Variants in CACNA1E observed in about 807,000 individuals in gnomAD.
The protein encoded by CACNA1E is voltage-dependent R-type calcium channel subunit alpha-1E.
CACNA1E carries 40 observed loss-of-function variants against 259.2 expected under a neutral mutation model. That is an observed-to-expected ratio of 0.15 (90% CI 0.12 to 0.20). The LOEUF is 0.20. CACNA1E is among the 10% of genes least tolerant of loss of function. CACNA1E has a pLI of 1.00. For missense variants in CACNA1E, 1,874 were observed against 3,040.1 expected (o/e 0.62, Z 9.02); for synonymous variants, 1,104 against 1,138.5 (o/e 0.97, Z 0.61).
chr1:181,719,418 C>G (rs1475651911), intron 12 of CACNA1E, among the ~76,000 whole-genome samples: 1 of 152,190 alleles, frequency 6.6e-6, no homozygotes, highest in African/African-American at 2.4e-5. Flanking sequence ...TATTGAGAAG[C>G]AACTTGTACT....
At position 181,802,714 on chromosome 1, in the gene CACNA1E, G is replaced by T. The variant is rs1388936068; in HGVS notation, c.*3880G>T. ...GGGTGGACAAAATGCCCACCTACTG[G>T]ATAAAAGCTCACTGCAGGAAAATGA... On this transcript the variant is annotated 3_prime_UTR_variant, in exon 48 of 48. Transcript: ENST00000367573. 6.6e-6 allele frequency: 1 copy of T among 152,144 alleles called. No homozygotes were observed. The highest frequency in any genetic ancestry group is 1.5e-5 in the Non-Finnish European group (1 of 68,030). 9.4% of individuals were successfully genotyped at this position (152,144 alleles called of 1,614,324 possible).
At chr1:181,421,367 G>T (rs1253640784) in intron 2 of CACNA1E, among the ~76,000 whole-genome samples, 6 of 152,144 alleles carry the variant, frequency 3.9e-5, no homozygotes, top group Non-Finnish European at 8.8e-5. Flanking sequence ...CTGGTGGGGG[G>T]TCCTCAAAAT....
chr1:181,502,612 A>G (rs1665350974), intron 1 of CACNA1E, among the ~76,000 whole-genome samples: 2 of 152,192 alleles, frequency 1.3e-5, no homozygotes, highest in Non-Finnish European at 2.9e-5. Flanking sequence ...CTTCTACTTT[A>G]TGCCATGATC....
At chr1:181,686,768 A>G (rs1304122583) in intron 7 of CACNA1E, among the ~76,000 whole-genome samples, 1 of 152,202 alleles carries the variant, frequency 6.6e-6, no homozygotes, top group Non-Finnish European at 1.5e-5. Flanking sequence ...CATGGTGTTC[A>G]GAGGCCAAGA....
At chr1:181,342,810 G>A (rs533031698) in intron 1 of CACNA1E, among the ~76,000 whole-genome samples, 56 of 152,298 alleles carry the variant, frequency 3.7e-4, no homozygotes, top group African/African-American at 1.3e-3. Context: ...TAGAACTGGT[G>A]ATGTTCTATT....
At position 181,796,790 on chromosome 1, in the gene CACNA1E, T is replaced by C. The variant is rs1399659751; in HGVS notation, c.6331T>C (p.Trp2111Arg). 6 of 1,611,910 alleles carry C rather than the reference T, an allele frequency of 3.7e-6. No homozygotes were observed. Among genetic ancestry groups the C allele is most frequent in the Non-Finnish European group, 5.1e-6 (6 of 1,179,122 alleles). ...AGAAGAGCGAGGGACCCAGGCTGACTGGGAGTCCCCAGAGCGCCGTCAATC... is the reference window on the plus strand; with the variant it reads ...AGAAGAGCGAGGGACCCAGGCTGACCGGGAGTCCCCAGAGCGCCGTCAATC... ...NSEERGTQAD[W>R]ESPERRQSRS... The change falls in exon 47 of 48, where the codon TGG (tryptophan) becomes CGG (arginine). Residue 2111 changes from tryptophan (W) to arginine (R), a missense_variant. This residue lies in a region of CACNA1E where 542 missense variants were observed against 587.2 expected (regional missense o/e 0.92). Transcript: ENST00000367573.
chr1:181,616,668 C>G (rs1406031215), intron 6 of CACNA1E, among the ~76,000 whole-genome samples: 1 of 151,876 alleles, frequency 6.6e-6, no homozygotes, highest in Non-Finnish European at 1.5e-5. Flanking sequence ...GAGCTGAGAT[C>G]GCACCACTGC....
Position 181,732,986 on chromosome 1 carries a change from G to A in CACNA1E, c.2900G>A (p.Gly967Asp). 6.2e-7 allele frequency: 1 copy of A among 1,612,946 alleles called. No homozygotes were observed. The highest frequency in any genetic ancestry group is 1.3e-5 in the African/African-American group (1 of 74,988). Residue 967 changes from glycine to aspartate, a missense_variant, in exon 20 of 48, where the codon GGT (glycine) becomes GAT (aspartate). Coordinates refer to ENST00000367573, the MANE Select transcript of CACNA1E (RefSeq NM_001205293.3). The surrounding 1 kb of genome is among the most constrained non-coding windows in gnomAD (Gnocchi z 5.5). ...GACCATGAGCTCAGGGGCAACCATG[G>A]TGCCAAGGAGCCAACGATCCAAGAA... Reference protein sequence around the residue: ...EKDHELRGNHGAKEPTIQEER... With the variant: ...EKDHELRGNHDAKEPTIQEER...
chr1:181,793,663 A>C lies in CACNA1E; in HGVS notation c.5899-2A>C. On this transcript the variant is annotated splice_acceptor_variant, in intron 44 of 47. Coordinates refer to ENST00000367573, the MANE Select transcript of CACNA1E (RefSeq NM_001205293.3). LOFTEE classifies it high-confidence loss of function. ...CAAGCTTGGCTGTGTGTTTATTTCC[A>C]GGAGCCAGAGGTTAGTGAATTAAAA... The C allele has an allele frequency of 1.2e-6, 2 of 1,608,198 alleles. No individual in the cohort carries two copies. The highest frequency in any genetic ancestry group is 1.7e-6 in the Non-Finnish European group (2 of 1,178,046).
chr1:181,794,216 G>A (rs898743728), intron 45 of CACNA1E, among the ~76,000 whole-genome samples: 4 of 152,122 alleles, frequency 2.6e-5, no homozygotes, highest in African/African-American at 9.7e-5. Flanking sequence ...CTGTTTTCCT[G>A]GCTTCTTTTT....
rs769781251 is a variant in CACNA1E at position 181,732,401 on chromosome 1, G to A, written c.2315G>A (p.Arg772Gln). Residue 772 changes from arginine (R) to glutamine (Q), a missense_variant, in exon 20 of 48, where the codon CGG (arginine) becomes CAG (glutamine). Arg to Gln is a conservative substitution (Grantham distance 43). Around this residue, in one of 14 missense-constraint regions of CACNA1E, gnomAD observed 476 missense variants for 514.0 expected, o/e 0.93. Transcript: ENST00000367573. The surrounding 1 kb of genome is among the most constrained non-coding windows in gnomAD (Gnocchi z 5.5). ...RSSHLRERRR[R>Q]HHMSVWEQRT... is the part of the protein sequence containing the mutation. Reference sequence around the variant, plus strand: ...CTTGGCAGGAGGGAGCGGAGGCGCCGGCACCACATGTCCGTGTGGGAGCAG... The same window carrying A: ...CTTGGCAGGAGGGAGCGGAGGCGCCAGCACCACATGTCCGTGTGGGAGCAG... The A allele has an allele frequency of 7.8e-6, 12 of 1,532,716 alleles. No individual in the cohort carries two copies. Among genetic ancestry groups the A allele is most frequent in the Non-Finnish European group, 1.1e-5 (12 of 1,138,206 alleles). 94.9% of individuals were successfully genotyped at this position (1,532,716 alleles called of 1,614,324 possible).
intron 44 of CACNA1E, among the ~76,000 whole-genome samples, chr1:181,791,246 CAGATCATG>C: frequency 6.6e-6 from 1 of 152,136 alleles, no homozygotes; most frequent in East Asian, 1.9e-4. Context: ...CCAAGGCGGG[CAGATCATG>C]AGGTCAGGAG....
intron 1 of CACNA1E, among the ~76,000 whole-genome samples, chr1:181,385,666 G>A (rs181796460): frequency 4.6e-5 from 7 of 152,174 alleles, no homozygotes; most frequent in Admixed American, 1.3e-4. Context: ...CTTTGAATCC[G>A]TCATTTCTGC....
At chr1:181,707,418 G>A (rs1361414831) in intron 7 of CACNA1E, among the ~76,000 whole-genome samples, 1 of 152,124 alleles carries the variant, frequency 6.6e-6, no homozygotes, top group Non-Finnish European at 1.5e-5. Context: ...AGGGAACCCA[G>A]CGAGTGAGAC....
intron 38 of CACNA1E, among the ~76,000 whole-genome samples, chr1:181,777,318 C>T (rs1224106129): frequency 6.6e-6 from 1 of 152,182 alleles, no homozygotes; most frequent in Non-Finnish European, 1.5e-5. Flanking sequence ...AAATGTTATC[C>T]TTTACAGGCA....
intron 1 of CACNA1E, among the ~76,000 whole-genome samples, chr1:181,326,528 C>T (rs893079588): frequency 5.3e-5 from 8 of 152,138 alleles, no homozygotes; most frequent in African/African-American, 1.9e-4. Context: ...AGTTCCTCCT[C>T]CAGATGGGAC....
chr1:181,534,100 C>T (rs190581256), intron 3 of CACNA1E, among the ~76,000 whole-genome samples: 1 of 152,004 alleles, frequency 6.6e-6, no homozygotes, highest in East Asian at 1.9e-4. Flanking sequence ...TGGGTAATGA[C>T]AGTAATAGAA....
chr1:181,354,876 C>T lies in CACNA1E; in HGVS notation c.-15+36753C>T, dbSNP rs1653307182. ...ACCAAACCAGAAAATTAAAATGGCC[C>T]ACCCCAAGCCTAGTGAGTAACATGA... On this transcript the variant is annotated intron_variant, in intron 1 of 11. Transcript: ENST00000524607. Among the ~76,000 whole-genome samples the T allele has an allele frequency of 4.6e-5, 7 of 152,242 alleles. No individual in the cohort carries two copies. The South Asian group carries it at 1.5e-3, about 32-fold the overall frequency.
At chr1:181,729,648 G>A (rs768129632) in intron 18 of CACNA1E, among the ~76,000 whole-genome samples, 27 of 152,162 alleles carry the variant, frequency 1.8e-4, no homozygotes, top group African/African-American at 2.7e-4. Context: ...GCGTACACAA[G>A]GTCTCATTCA....
Sources: allele counts gnomAD v4.1 joint callset (sites outside exome capture counted in the v4.1 genomes callset), GRCh38; gene constraint gnomAD v4.1.1; regional missense constraint gnomAD v4.1.1; non-coding constraint Gnocchi (gnomAD v3.1); transcripts MANE v1.5; gene names NCBI Gene and HGNC (gene_info 2026-07-23, HGNC 2026-07-21).